ITPRID1: variants seen among roughly 807,000 people sequenced by gnomAD.
The protein encoded by ITPRID1 is protein ITPRID1.
Under a neutral mutation model 95.4 loss-of-function variants are expected in ITPRID1, and 96 were observed. That is an observed-to-expected ratio of 1.01 (90% CI 0.85 to 1.19). The LOEUF (loss-of-function observed/expected upper bound fraction) is 1.19, where lower values mean the gene tolerates loss of function less well. Ranked by LOEUF, ITPRID1 falls within the 50% of genes most tolerant of loss-of-function variation. ITPRID1 has a pLI of 0.00. For missense variants in ITPRID1, 1,339 were observed against 1,252.9 expected (o/e 1.07, Z -1.04); for synonymous variants, 510 against 453.6 (o/e 1.12, Z -1.58).
intron 10 of ITPRID1, among the ~76,000 whole-genome samples, chr7:31,586,816 T>C (rs1438530920): frequency 6.6e-6 from 1 of 151,936 alleles, no homozygotes; most frequent in Non-Finnish European, 1.5e-5. Flanking sequence ...CGGTAGTTTC[T>C]TTTGCTGTGC....
chr7:31,526,780 A>G (rs543528333), intron 1 of ITPRID1, among the ~76,000 whole-genome samples: 12 of 151,880 alleles, frequency 7.9e-5, no homozygotes. Context: ...ACTTATCTAC[A>G]TTTCTACTCT....
chr7:31,623,399 A>C (rs935437834), intron 10 of ITPRID1, among the ~76,000 whole-genome samples: 21 of 150,632 alleles, frequency 1.4e-4, no homozygotes, highest in South Asian at 2.1e-4. Context: ...CAAAAAGCTT[A>C]TCCACCATGA....
At chr7:31,524,768 AGTTT>A (rs1318500998) in intron 1 of ITPRID1, among the ~76,000 whole-genome samples, 2 of 152,126 alleles carry the variant, frequency 1.3e-5, no homozygotes, top group South Asian at 2.1e-4. Flanking sequence ...CTGTTATCTT[AGTTT>A]ATTTTACGTA....
chr7:31,586,980 C>A (rs188719776), intron 10 of ITPRID1, among the ~76,000 whole-genome samples: 2 of 151,936 alleles, frequency 1.3e-5, no homozygotes, highest in African/African-American at 4.8e-5. Flanking sequence ...TTAGGTCTAA[C>A]GTTTAAGTCT....
chr7:31,651,124 C>G lies in ITPRID1; in HGVS notation c.2584-18C>G. The G allele has an allele frequency of 6.2e-7, 1 of 1,608,086 alleles. No homozygotes were observed. Among genetic ancestry groups the G allele is most frequent in the Non-Finnish European group, 8.5e-7 (1 of 1,177,100 alleles). On this transcript the variant is annotated intron_variant, in intron 12 of 14. Coordinates refer to ENST00000615280, the MANE Select transcript of ITPRID1 (RefSeq NM_001257967.3). The stretch of plus-strand genomic sequence containing the variant: ...ATCAGAGAGGACTTTCTTCTCAGTT[C>G]TTTCTCATTGTTCTCAGTGCACAGT...
At position 31,624,799 on chromosome 7, in the gene ITPRID1, G is replaced by T. The variant is rs537855113; in HGVS notation, c.1229-17377G>T. Among the ~76,000 whole-genome samples the T allele has an allele frequency of 5.4e-3, 816 of 152,174 alleles. 7 individuals are homozygous for T. Among genetic ancestry groups the T allele is most frequent in the African/African-American group, 0.019 (788 of 41,516 alleles). On this transcript the variant is annotated intron_variant, in intron 10 of 14. Coordinates refer to ENST00000615280, the MANE Select transcript of ITPRID1 (RefSeq NM_001257967.3). ...GATCTAATTAAACTAAAGAGCTTCT[G>T]CACAGCAAAAGAAACTACCATCAGA... is the stretch of plus-strand genomic sequence containing the variant.
At chr7:31,562,994 C>T (rs1784676491) in intron 5 of ITPRID1, among the ~76,000 whole-genome samples, 1 of 152,150 alleles carries the variant, frequency 6.6e-6, no homozygotes, top group African/African-American at 2.4e-5. Context: ...TTAGGGATAT[C>T]ATCCATTTCA....
Position 31,598,528 on chromosome 7 carries a change from C to T in ITPRID1, c.1228+15337C>T, listed in dbSNP as rs367663109. ...AGGCCATTCTCCTGCCTCAGCCTCC[C>T]GAGTAGCTGGGACTACAGGCGCCCG... On this transcript the variant is annotated intron_variant, in intron 10 of 14. Transcript: ENST00000615280. Among the ~76,000 whole-genome samples the T allele has an allele frequency of 2.6e-5, 4 of 151,218 alleles. No homozygotes were observed. In the East Asian group the frequency reaches 5.9e-4, roughly 22 times the overall value.
intron 4 of ITPRID1, 24 bp from the exon 5 acceptor site, chr7:31,554,834 C>T: frequency 6.5e-7 from 1 of 1,541,180 alleles, no homozygotes; most frequent in Non-Finnish European, 8.8e-7. Flanking sequence ...TTGTTTGACT[C>T]ACAATACTTT....
intron 5 of ITPRID1, among the ~76,000 whole-genome samples, chr7:31,556,693 A>G (rs537460055): frequency 1.8e-4 from 28 of 152,238 alleles, no homozygotes; most frequent in African/African-American, 6.5e-4. Flanking sequence ...AAGGACCCAA[A>G]GAGGAGGAAG....
chr7:31,614,383 ACT>A (rs1333290357), intron 10 of ITPRID1, among the ~76,000 whole-genome samples: 1 of 152,054 alleles, frequency 6.6e-6, no homozygotes, highest in Admixed American at 6.5e-5. Context: ...TGTTAAAAAA[ACT>A]CTCCATGCAG....
intron 1 of ITPRID1, among the ~76,000 whole-genome samples, chr7:31,536,894 A>T (rs1386986343): frequency 6.6e-5 from 10 of 152,162 alleles, no homozygotes; most frequent in Admixed American, 6.5e-4. Context: ...TCACTTAGCC[A>T]TAAGTAGCTG....
intron 5 of ITPRID1, among the ~76,000 whole-genome samples, chr7:31,567,426 G>T (rs1784837059): frequency 1.3e-5 from 2 of 152,106 alleles, no homozygotes; most frequent in Admixed American, 6.5e-5. Flanking sequence ...CAATCAGTTG[G>T]TAGTGGTTTT....
chr7:31,601,295 C>A (rs1786383329), intron 10 of ITPRID1, among the ~76,000 whole-genome samples: 1 of 152,184 alleles, frequency 6.6e-6, no homozygotes, highest in Non-Finnish European at 1.5e-5. Flanking sequence ...CTTACTGAGG[C>A]TTCAGTCACT....
At chr7:31,637,536 T>C (rs916035429) in intron 10 of ITPRID1, among the ~76,000 whole-genome samples, 10 of 152,242 alleles carry the variant, frequency 6.6e-5, no homozygotes, top group Admixed American at 6.5e-4. Context: ...TAATGTCTTC[T>C]TTTGAGAAGT....
Position 31,643,659 on chromosome 7 carries a change from G to T in ITPRID1, c.2289G>T (p.Gln763His), listed in dbSNP as rs1423252331. Reference protein sequence around the residue: ...KARQLNDASIQTSALSNKTLT... With the variant: ...KARQLNDASIHTSALSNKTLT... ...GACAGTTAAATGATGCTTCCATTCA[G>T]ACTTCAGCTCTAAGCAACAAGACCT... The change falls in exon 12 of 15, where the codon CAG (glutamine) becomes CAT (histidine). Residue 763 changes from glutamine (Q) to histidine (H), a missense_variant. Physicochemically the swap from Gln to His is conservative, Grantham distance 24. Coordinates refer to ENST00000615280, the MANE Select transcript of ITPRID1 (RefSeq NM_001257967.3). The T allele has an allele frequency of 1.9e-6, 3 of 1,613,932 alleles. No individual in the cohort carries two copies. In the African/African-American group the frequency reaches 4.0e-5, roughly 22 times the overall value.
In ITPRID1 at chr7:31,519,960, C is replaced by T. The variant is rs530652139; in HGVS notation, c.-98+5840C>T. On this transcript the variant is annotated intron_variant, in intron 1 of 14. Coordinates refer to ENST00000615280, the MANE Select transcript of ITPRID1 (RefSeq NM_001257967.3). ...TAAACATTTTTAAGTTTTTACCTAACTTTTTTTTTTGTTTCATGATGTCAT... is the reference window on the plus strand; with the variant it reads ...TAAACATTTTTAAGTTTTTACCTAATTTTTTTTTTTGTTTCATGATGTCAT... 5.7e-4 allele frequency among the ~76,000 whole-genome samples: 84 copies of T among 148,142 alleles called. 1 individual carries two copies. Among genetic ancestry groups the T allele is most frequent in the Middle Eastern group, 3.5e-3 (1 of 286 alleles).
intron 2 of ITPRID1, among the ~76,000 whole-genome samples, chr7:31,549,913 G>A (rs1784226192): frequency 6.6e-6 from 1 of 152,164 alleles, no homozygotes; most frequent in Non-Finnish European, 1.5e-5. Flanking sequence ...CAGAGGACAA[G>A]AATGTAATCA....
At chr7:31,634,223 G>T (rs1388436681) in intron 10 of ITPRID1, among the ~76,000 whole-genome samples, 1 of 152,148 alleles carries the variant, frequency 6.6e-6, no homozygotes, top group Non-Finnish European at 1.5e-5. Flanking sequence ...AATTGGGAGG[G>T]TAAAATTCAT....
Sources: gnomAD v4.1 joint callset for allele counts (sites outside exome capture counted in the v4.1 genomes callset) on GRCh38, gnomAD v4.1.1 for gene constraint, MANE v1.5 for transcripts, NCBI Gene and HGNC (gene_info 2026-07-23, HGNC 2026-07-21) for gene names.